Variants in CLEC2A observed in about 807,000 individuals in gnomAD.
The protein encoded by CLEC2A is keratinocyte-associated C-type lectin.
A neutral mutation model predicts 18.6 loss-of-function variants in CLEC2A; 19 were observed. The ratio of observed to expected loss-of-function variants is 1.02; its 90% CI spans 0.71 to 1.50. The LOEUF is 1.50. CLEC2A is among the 40% of genes most tolerant of loss of function. The pLI, the probability that CLEC2A is intolerant of heterozygous loss-of-function variation, is 0.00. For missense variants in CLEC2A, 190 were observed against 207.9 expected, an observed-to-expected ratio of 0.91 and a Z score of 0.53; for synonymous variants, 74 against 64.0, an observed-to-expected ratio of 1.16 and a Z score of -0.75.
intron 4 of CLEC2A, among the ~76,000 whole-genome samples, chr12:9,914,977 T>A (rs962995574): frequency 2.0e-5 from 3 of 151,446 alleles, no homozygotes; most frequent in Admixed American, 1.3e-4. Flanking sequence ...AGGTCTAATA[T>A]CCAGGATCTA....
chr12:9,916,512 G>A (rs539710733), intron 4 of CLEC2A, among the ~76,000 whole-genome samples, 188 bp downstream of exon 4: 89 of 152,260 alleles, frequency 5.8e-4, no homozygotes, highest in African/African-American at 2.0e-3. Flanking sequence ...TTAACAAGGT[G>A]AGAAGAAAAT....
chr12:9,885,907 C>A, the CLEC2A span, among the ~76,000 whole-genome samples: 3 of 151,948 alleles, frequency 2.0e-5, no homozygotes, highest in Non-Finnish European at 4.4e-5. Context: ...ACCAGTAATT[C>A]TAAGAAGTTG....
the CLEC2A span, chr12:9,884,968 G>C: frequency 9.8e-6 from 13 of 1,329,030 alleles, no homozygotes; most frequent in Non-Finnish European, 1.3e-5. Flanking sequence ...ATTGTCTTCT[G>C]CTCATATTTG....
chr12:9,877,754 A>C, the CLEC2A span, among the ~76,000 whole-genome samples: 2 of 152,208 alleles, frequency 1.3e-5, no homozygotes, highest in Non-Finnish European at 2.9e-5. Flanking sequence ...AGAGGGGTTT[A>C]TCTGTTTTAC....
intron 3 of CLEC2A, 103 bp downstream of exon 3, chr12:9,921,963 G>T: frequency 9.8e-7 from 1 of 1,020,074 alleles, no homozygotes; most frequent in Non-Finnish European, 1.4e-6. Flanking sequence ...TCAAACCCAT[G>T]TTGTTCAAGG....
intron 1 of CLEC2A, among the ~76,000 whole-genome samples, chr12:9,929,643 G>A (rs776829341): frequency 1.3e-5 from 2 of 151,940 alleles, no homozygotes; most frequent in Non-Finnish European, 2.9e-5. Flanking sequence ...CTGCTTTGTT[G>A]TATATAGTAA....
At position 9,923,141 on chromosome 12, in the gene CLEC2A, G is replaced by A. The variant is rs187456945; in HGVS notation, c.140-909C>T. Among the ~76,000 whole-genome samples the A allele has an allele frequency of 8.1e-3, 1,231 of 152,152 alleles. 14 individuals carry two copies. Among genetic ancestry groups the A allele is most frequent in the Non-Finnish European group, 9.7e-3 (659 of 67,996 alleles). On this transcript the variant is annotated intron_variant, in intron 2 of 4. Transcript: ENST00000455827. ...CTGCACCTATCAACCCATCTTCTAG[G>A]TTTGAAGCCCCGCATGCATTAGGTA...
rs553674654 is a variant in CLEC2A at position 9,924,127 on chromosome 12, A to G, written c.140-1895T>C. ...AACTTAAAGTATAATAATAAAAAAAAGAAAAAAAGAAAAAATAATAATCGC... is the reference window on the plus strand; with the variant it reads ...AACTTAAAGTATAATAATAAAAAAAGGAAAAAAAGAAAAAATAATAATCGC... On this transcript the variant is annotated intron_variant, in intron 2 of 4. Coordinates refer to ENST00000455827, the MANE Select transcript of CLEC2A (RefSeq NM_001130711.2). Among the ~76,000 whole-genome samples the G allele has an allele frequency of 5.3e-5, 8 of 152,244 alleles. 1 individual carries two copies. The South Asian group carries it at 1.7e-3, about 32-fold the overall frequency.
downstream of CLEC2A, among the ~76,000 whole-genome samples, chr12:9,909,909 GAT>G (rs1862959264): frequency 6.6e-6 from 1 of 152,050 alleles, no homozygotes; most frequent in Non-Finnish European, 1.5e-5. Flanking sequence ...TGGTCTAGGG[GAT>G]CCCATGTGTT....
chr12:9,881,914 A>G, the CLEC2A span, among the ~76,000 whole-genome samples: 1 of 152,052 alleles, frequency 6.6e-6, no homozygotes, highest in South Asian at 2.1e-4. Context: ...GCATAAGAAC[A>G]TCACTTTCGA....
downstream of CLEC2A, among the ~76,000 whole-genome samples, chr12:9,911,824 A>T (rs920896672): frequency 6.6e-6 from 1 of 152,164 alleles, no homozygotes; most frequent in Non-Finnish European, 1.5e-5. Context: ...GAACATGTAG[A>T]TATCTAACCT....
At chr12:9,912,294 C>G (rs7967726), downstream of CLEC2A, among the ~76,000 whole-genome samples, 223 of 152,160 alleles carry the variant, frequency 1.5e-3, no homozygotes, top group African/African-American at 5.3e-3. Flanking sequence ...CCAGCTGGCT[C>G]TGCAGGACCC....
At chr12:9,879,154 A>AAAAAG in the CLEC2A span, among the ~76,000 whole-genome samples, 11 of 152,160 alleles carry the variant, frequency 7.2e-5, no homozygotes, top group Non-Finnish European at 1.5e-4. Flanking sequence ...GAAATGAAAA[A>AAAAAG]AAAAGAAAAG....
chr12:9,890,919 A>C, the CLEC2A span, among the ~76,000 whole-genome samples: 3,862 of 152,260 alleles, frequency 0.025, 189 homozygotes, highest in East Asian at 0.21. Flanking sequence ...ATATCCTCTA[A>C]TAGTCAGCAT....
downstream of CLEC2A, among the ~76,000 whole-genome samples, chr12:9,894,126 T>TCTCTCTCTC (rs1862724726): frequency 1.5e-5 from 2 of 130,290 alleles, no homozygotes; most frequent in African/African-American, 3.0e-5. Flanking sequence ...TTTCTTTTCT[T>TCTCTCTCTC]TCTCTCTCTC....
At chr12:9,902,510 G>C (rs1862845730) in intron 4 of CLEC2A, among the ~76,000 whole-genome samples, 1 of 152,078 alleles carries the variant, frequency 6.6e-6, no homozygotes, top group African/African-American at 2.4e-5. Flanking sequence ...TGGGATTATA[G>C]ATGTGAGCCA....
chr12:9,902,644 G>GA (rs56875298), intron 4 of CLEC2A, among the ~76,000 whole-genome samples: 316 of 135,734 alleles, frequency 2.3e-3, no homozygotes, highest in African/African-American at 5.9e-3. Flanking sequence ...AATCTTGAAA[G>GA]AAAAAAAAAA....
chr12:9,920,918 A>C (rs1863161718), intron 3 of CLEC2A, among the ~76,000 whole-genome samples: 4 of 152,182 alleles, frequency 2.6e-5, no homozygotes, highest in Admixed American at 2.0e-4. Flanking sequence ...GCAAATTGAA[A>C]AGGGTTTAAA....
At chr12:9,879,335 A>G in the CLEC2A span, among the ~76,000 whole-genome samples, 2 of 152,192 alleles carry the variant, frequency 1.3e-5, no homozygotes, top group Non-Finnish European at 2.9e-5. Context: ...CTCTTCGCAG[A>G]CCAGGAACCA....
Sources: gnomAD v4.1 joint callset for allele counts (sites outside exome capture counted in the v4.1 genomes callset) on GRCh38, gnomAD v4.1.1 for gene constraint, MANE v1.5 for transcripts, NCBI Gene and HGNC (gene_info 2026-07-23, HGNC 2026-07-21) for gene names.